UNC13C: variants seen among roughly 807,000 people sequenced by gnomAD.
The protein encoded by UNC13C is unc-13 homolog C.
A neutral mutation model predicts 245.4 loss-of-function variants in UNC13C; 174 were observed. The observed-to-expected ratio is 0.71, with a 90% CI of 0.63 to 0.80. The LOEUF (loss-of-function observed/expected upper bound fraction) is 0.80. UNC13C is among the 30% of genes least tolerant of loss of function. The pLI, the probability that UNC13C is intolerant of heterozygous loss-of-function variation, is 0.00. For missense variants in UNC13C, 2,829 were observed against 2,602.9 expected, an observed-to-expected ratio of 1.09 and a Z score of -1.89; for synonymous variants, 992 against 895.1, an observed-to-expected ratio of 1.11 and a Z score of -1.93.
At chr15:54,121,390 G>A (rs1277068741) in intron 2 of UNC13C, among the ~76,000 whole-genome samples, 1 of 152,018 alleles carries the variant, frequency 6.6e-6, no homozygotes, top group Non-Finnish European at 1.5e-5. Context: ...TAGACCTAAT[G>A]CTATTAAACT....
chr15:53,963,089 T>A, the UNC13C span, among the ~76,000 whole-genome samples: 1 of 152,290 alleles, frequency 6.6e-6, no homozygotes, highest in East Asian at 1.9e-4. Context: ...AGGTAGGGTA[T>A]GTTTTAATGA....
the UNC13C span, among the ~76,000 whole-genome samples, chr15:53,881,840 A>G: frequency 6.6e-6 from 1 of 152,216 alleles, no homozygotes; most frequent in Non-Finnish European, 1.5e-5. Flanking sequence ...TAAAATACAA[A>G]TATTATCAAA....
At chr15:54,384,220 A>G (rs959375750) in intron 17 of UNC13C, among the ~76,000 whole-genome samples, 7 of 152,156 alleles carry the variant, frequency 4.6e-5, no homozygotes, top group African/African-American at 1.7e-4. Context: ...GAGCATAAAG[A>G]ACAAACCCGG....
intron 17 of UNC13C, among the ~76,000 whole-genome samples, chr15:54,350,908 A>G (rs1454395746): frequency 1.3e-5 from 2 of 152,214 alleles, no homozygotes; most frequent in Non-Finnish European, 2.9e-5. Flanking sequence ...GCTTCTTTAT[A>G]TTATAATACT....
At chr15:53,988,735 C>G (rs1172531453) in intron 1 of UNC13C, among the ~76,000 whole-genome samples, 1 of 151,900 alleles carries the variant, frequency 6.6e-6, no homozygotes, top group Non-Finnish European at 1.5e-5. Context: ...CAAAGAGTCA[C>G]TTCTTGCTGC....
chr15:53,875,451 C>T, the UNC13C span, among the ~76,000 whole-genome samples: 3 of 152,096 alleles, frequency 2.0e-5, no homozygotes, highest in Admixed American at 6.6e-5. Flanking sequence ...TGCCTAGACT[C>T]TGAAGATGCT....
chr15:54,124,358 C>T (rs1217910191), intron 2 of UNC13C, among the ~76,000 whole-genome samples: 1 of 152,184 alleles, frequency 6.6e-6, no homozygotes, highest in African/African-American at 2.4e-5. Flanking sequence ...AGAGACATTT[C>T]ACTATGGTTT....
chr15:53,901,947 A>G, the UNC13C span, among the ~76,000 whole-genome samples: 3 of 152,144 alleles, frequency 2.0e-5, no homozygotes, highest in African/African-American at 7.2e-5. Flanking sequence ...CTATCCCTCT[A>G]TCTACAAAAT....
chr15:53,914,410 C>T, the UNC13C span: 1 of 152,254 alleles, frequency 6.6e-6, no homozygotes, highest in Non-Finnish European at 1.5e-5. Flanking sequence ...GGGCTCGGCT[C>T]AGCTCAACAT....
chr15:54,050,217 C>A, intron 2 of UNC13C: 1 of 526,352 alleles, frequency 1.9e-6, no homozygotes, highest in Non-Finnish European at 3.8e-6. Flanking sequence ...GGTGATCCAC[C>A]CACCTCAGCC....
At chr15:54,246,714 A>G (rs1465082693) in intron 7 of UNC13C, among the ~76,000 whole-genome samples, 2 of 149,102 alleles carry the variant, frequency 1.3e-5, no homozygotes, top group Admixed American at 6.8e-5. Flanking sequence ...GAACACATGG[A>G]CACCTAGAGG....
intron 4 of UNC13C, among the ~76,000 whole-genome samples, chr15:54,175,971 A>G (rs1048402824): frequency 1.3e-5 from 2 of 152,228 alleles, no homozygotes; most frequent in Non-Finnish European, 2.9e-5. Flanking sequence ...AGTATAAAAC[A>G]TATATTTAGT....
intron 30 of UNC13C, among the ~76,000 whole-genome samples, chr15:54,616,184 T>C (rs1420378884): frequency 6.6e-6 from 1 of 151,940 alleles, no homozygotes; most frequent in Non-Finnish European, 1.5e-5. Flanking sequence ...TCACTTAATA[T>C]AAAGTAGTAG....
intron 17 of UNC13C, among the ~76,000 whole-genome samples, chr15:54,343,901 G>A (rs1024207498): frequency 6.6e-6 from 1 of 152,118 alleles, no homozygotes; most frequent in South Asian, 2.1e-4. Context: ...GGTAAGGGGG[G>A]GTCCTGGCTA....
chr15:53,897,536 T>A, the UNC13C span, among the ~76,000 whole-genome samples: 3 of 152,196 alleles, frequency 2.0e-5, no homozygotes, highest in Non-Finnish European at 4.4e-5. Flanking sequence ...CATCTCAGCC[T>A]CCCAAATAGC....
intron 4 of UNC13C, among the ~76,000 whole-genome samples, chr15:54,188,670 A>G (rs986794514): frequency 6.6e-6 from 1 of 152,180 alleles, no homozygotes; most frequent in African/African-American, 2.4e-5. Flanking sequence ...TATGCTGTAT[A>G]TTAGCCCTTA....
intron 30 of UNC13C, among the ~76,000 whole-genome samples, chr15:54,583,795 T>C (rs895685094): frequency 1.3e-5 from 2 of 152,204 alleles, no homozygotes; most frequent in Non-Finnish European, 2.9e-5. Context: ...TTGCTCTTCA[T>C]CGCACTGACC....
At chr15:54,547,407 TAC>T (rs1207301714) in intron 27 of UNC13C, among the ~76,000 whole-genome samples, 1 of 152,192 alleles carries the variant, frequency 6.6e-6, no homozygotes, top group East Asian at 1.9e-4. Flanking sequence ...GTCAAGTGGA[TAC>T]ACAGAGCCAG....
At chr15:54,281,363 C>G (rs2036992260) in intron 10 of UNC13C, among the ~76,000 whole-genome samples, 2 of 152,108 alleles carry the variant, frequency 1.3e-5, no homozygotes, top group Admixed American at 6.5e-5. Context: ...TATCAAGACA[C>G]AAATGCTAAG....
Sources: gnomAD v4.1 joint callset for allele counts (sites outside exome capture counted in the v4.1 genomes callset) on GRCh38, gnomAD v4.1.1 for gene constraint, MANE v1.5 for transcripts, NCBI Gene and HGNC (gene_info 2026-07-23, HGNC 2026-07-21) for gene names.